The following RIT2 variants were observed in gnomAD, a reference collection of about 807,000 sequenced individuals.
RIT2 encodes Ras like without CAAX 2, also known as GTP-binding protein Rit2.
RIT2 carries 24 observed loss-of-function variants against 23.7 expected under a neutral mutation model. That is an observed-to-expected ratio of 1.01 (90% CI 0.73 to 1.43). RIT2 has a LOEUF of 1.43. Among genes scored for constraint, RIT2 ranks in the 40% most tolerant of loss-of-function variants. The pLI, the probability that RIT2 is intolerant of heterozygous loss-of-function variation, is 0.00. For synonymous variants in RIT2, 107 were observed against 91.1 expected, an observed-to-expected ratio of 1.17 and a Z score of -0.99; for missense variants, 236 against 266.9, an observed-to-expected ratio of 0.88 and a Z score of 0.81.
intron 4 of RIT2, among the ~76,000 whole-genome samples, chr18:42,874,149 C>T (rs996154625): frequency 3.3e-5 from 5 of 152,150 alleles, no homozygotes; most frequent in African/African-American, 4.8e-5. Flanking sequence ...AACAATCTAT[C>T]AGCTGCTAAG....
At chr18:42,818,647 A>C (rs925496131) in intron 4 of RIT2, among the ~76,000 whole-genome samples, 1 of 152,060 alleles carries the variant, frequency 6.6e-6, no homozygotes, top group Non-Finnish European at 1.5e-5. Context: ...ACAGAGCAAT[A>C]AGCTTTGAGC....
chr18:42,800,152 AT>A (rs370989828), intron 4 of RIT2, among the ~76,000 whole-genome samples: 38 of 152,280 alleles, frequency 2.5e-4, no homozygotes, highest in African/African-American at 9.1e-4. Context: ...ATTAACTATT[AT>A]TTTGTGAGCC....
intron 3 of RIT2, among the ~76,000 whole-genome samples, chr18:42,961,690 C>T (rs1427205058): frequency 1.3e-5 from 2 of 152,168 alleles, no homozygotes; most frequent in Non-Finnish European, 2.9e-5. Flanking sequence ...ATTTTATAAT[C>T]ATATCCCTTG....
intron 2 of RIT2, among the ~76,000 whole-genome samples, chr18:42,998,734 C>T (rs1911040867): frequency 6.6e-6 from 1 of 151,932 alleles, no homozygotes; most frequent in African/African-American, 2.4e-5. Context: ...GACTGGGCTC[C>T]CAATTTTGCC....
intron 4 of RIT2, among the ~76,000 whole-genome samples, chr18:42,758,383 T>C (rs904835159): frequency 2.6e-5 from 4 of 152,216 alleles, no homozygotes; most frequent in Non-Finnish European, 4.4e-5. Context: ...AATAGATGTT[T>C]CCAGCAATTT....
At chr18:42,907,212 A>G (rs1188500178) in intron 4 of RIT2, among the ~76,000 whole-genome samples, 1 of 152,310 alleles carries the variant, frequency 6.6e-6, no homozygotes, top group East Asian at 1.9e-4. Flanking sequence ...ATACAGTGTG[A>G]AAAGTGCATA....
At chr18:42,936,951 G>T (rs375563481) in intron 3 of RIT2, among the ~76,000 whole-genome samples, 158 of 151,662 alleles carry the variant, frequency 1.0e-3, no homozygotes, top group African/African-American at 3.3e-3. Context: ...GGCAGAGCTT[G>T]CAGTGAGCCG....
intron 2 of RIT2, among the ~76,000 whole-genome samples, chr18:43,029,022 C>T (rs1264184053): frequency 6.6e-6 from 1 of 152,022 alleles, no homozygotes; most frequent in Non-Finnish European, 1.5e-5. Context: ...CCATTGAGCA[C>T]GAGGCTATCT....
intron 3 of RIT2, among the ~76,000 whole-genome samples, chr18:42,928,296 T>C (rs964121365): frequency 6.6e-6 from 1 of 151,992 alleles, no homozygotes; most frequent in African/African-American, 2.4e-5. Flanking sequence ...AAGATCTAAA[T>C]GAACTGTGGG....
chr18:42,871,920 C>T (rs1340094573), intron 4 of RIT2, among the ~76,000 whole-genome samples: 3 of 152,038 alleles, frequency 2.0e-5, no homozygotes, highest in Non-Finnish European at 4.4e-5. Flanking sequence ...GTACAAATGC[C>T]CTGGGAACAT....
chr18:42,796,350 C>T (rs1464138854), intron 4 of RIT2, among the ~76,000 whole-genome samples: 1 of 152,072 alleles, frequency 6.6e-6, no homozygotes, highest in African/African-American at 2.4e-5. Flanking sequence ...AAACTCTGAA[C>T]ACATCCAAAC....
chr18:43,028,783 T>A, intron 2 of RIT2, among the ~76,000 whole-genome samples: 1 of 152,056 alleles, frequency 6.6e-6, no homozygotes, highest in East Asian at 1.9e-4. Flanking sequence ...TGACTCCTAA[T>A]GGCTCTGGGC....
chr18:42,954,374 CAAAAA>C (rs200231977), intron 3 of RIT2, among the ~76,000 whole-genome samples: 5 of 86,324 alleles, frequency 5.8e-5, no homozygotes, highest in Admixed American at 2.3e-4. Flanking sequence ...ATTTCCAACT[CAAAAA>C]AAAAAAAAAA....
chr18:42,896,346 TAG>T (rs1908330064), intron 4 of RIT2, among the ~76,000 whole-genome samples: 1 of 152,226 alleles, frequency 6.6e-6, no homozygotes, highest in African/African-American at 2.4e-5. Context: ...ATTTAATCTG[TAG>T]AGACAATGAC....
intron 2 of RIT2, among the ~76,000 whole-genome samples, chr18:42,989,957 C>CAT (rs1260905790): frequency 6.6e-6 from 1 of 151,814 alleles, no homozygotes; most frequent in Admixed American, 6.6e-5. Flanking sequence ...TACACACACA[C>CAT]ATATATTATG....
chr18:42,963,896 A>G (rs1910150862), intron 3 of RIT2, among the ~76,000 whole-genome samples: 1 of 151,936 alleles, frequency 6.6e-6, no homozygotes, highest in Admixed American at 6.5e-5. Flanking sequence ...AATCTGTATT[A>G]AAAAATAATA....
chr18:43,082,013 G>A (rs1001241693), intron 1 of RIT2, among the ~76,000 whole-genome samples: 6 of 151,944 alleles, frequency 3.9e-5, no homozygotes, highest in East Asian at 1.9e-4. Context: ...TAAGATAGTC[G>A]TAATCTGGTC....
At chr18:43,067,979 G>T (rs1317359767) in intron 1 of RIT2, among the ~76,000 whole-genome samples, 1 of 152,136 alleles carries the variant, frequency 6.6e-6, no homozygotes, top group Non-Finnish European at 1.5e-5. Context: ...AAAATGATCA[G>T]TTTAGTTTTT....
At chr18:42,788,069 G>A (rs912005271) in intron 4 of RIT2, among the ~76,000 whole-genome samples, 16 of 151,642 alleles carry the variant, frequency 1.1e-4, no homozygotes, top group Admixed American at 5.9e-4. Flanking sequence ...ACATTAATAT[G>A]CACTTTATAT....
Sources: allele counts gnomAD v4.1 joint callset (sites outside exome capture counted in the v4.1 genomes callset), GRCh38; gene constraint gnomAD v4.1.1; transcripts MANE v1.5; gene names NCBI Gene and HGNC (gene_info 2026-07-23, HGNC 2026-07-21).